COL5A2: variants seen among roughly 807,000 people sequenced by gnomAD.
The protein encoded by COL5A2 is collagen alpha-2(V) chain.
Under a neutral mutation model 208.2 loss-of-function variants are expected in COL5A2, and 23 were observed. The ratio of observed to expected loss-of-function variants is 0.11; its 90% confidence interval spans 0.08 to 0.16. The LOEUF is 0.16. Among genes scored for constraint, COL5A2 ranks in the 10% least tolerant of loss-of-function variants. The pLI, the probability that COL5A2 is intolerant of heterozygous loss-of-function variation, is 1.00. For synonymous variants in COL5A2, 625 were observed against 628.5 expected, an observed-to-expected ratio of 0.99 and a Z score of 0.08; for missense variants, 1,590 against 1,956.4, an observed-to-expected ratio of 0.81 and a Z score of 3.53.
At chr2:189,053,833 A>C (rs1308136497) in intron 37 of COL5A2, 62 bp downstream of exon 37, 1 of 1,359,272 alleles carries the variant, frequency 7.4e-7, no homozygotes, top group African/African-American at 1.4e-5. Context: ...TATAAAAACA[A>C]AATGATTAAT....
At chr2:189,305,362 G>C in the COL5A2 span, among the ~76,000 whole-genome samples, 1 of 152,206 alleles carries the variant, frequency 6.6e-6, no homozygotes, top group Non-Finnish European at 1.5e-5. Flanking sequence ...GAGGCCTTTA[G>C]CAGATGATTA....
chr2:189,152,578 T>C (rs1688166234), intron 1 of COL5A2, among the ~76,000 whole-genome samples: 1 of 152,204 alleles, frequency 6.6e-6, no homozygotes, highest in South Asian at 2.1e-4. Context: ...CAGCGATCCC[T>C]TTCTGTTATC....
chr2:189,237,452 T>A, the COL5A2 span, among the ~76,000 whole-genome samples: 1 of 151,540 alleles, frequency 6.6e-6, no homozygotes, highest in Admixed American at 6.6e-5. Context: ...TAGTCAATAT[T>A]GCTGGTAAAA....
chr2:189,155,866 C>G (rs554954016), intron 1 of COL5A2, among the ~76,000 whole-genome samples: 1 of 152,160 alleles, frequency 6.6e-6, no homozygotes, highest in East Asian at 1.9e-4. Context: ...TCTGGAAGCC[C>G]CAGAAGGAAA....
chr2:189,052,686 C>G, intron 40 of COL5A2, 63 bp downstream of exon 40: 1 of 1,458,628 alleles, frequency 6.9e-7, no homozygotes, highest in Non-Finnish European at 9.6e-7. Context: ...TTTTACATGA[C>G]CAGGAAGCAC....
chr2:189,059,455 T>C (rs1438268583), intron 31 of COL5A2, among the ~76,000 whole-genome samples: 1 of 151,938 alleles, frequency 6.6e-6, no homozygotes, highest in East Asian at 1.9e-4. Context: ...ATTTCTTTCT[T>C]TGATAAAGAT....
chr2:189,033,862 T>C lies in COL5A2; in HGVS notation c.*208A>G. ...ACCTAAACTGTTGTATTGAAAAATA[T>C]TTAAAATCAATTAAAACTTGAGGAT... On this transcript the variant is annotated 3_prime_UTR_variant, in exon 54 of 54. Transcript: ENST00000374866. The C allele has an allele frequency of 1.5e-6, 1 of 656,436 alleles. No homozygotes were observed. The highest frequency in any genetic ancestry group is 2.6e-6 in the Non-Finnish European group (1 of 385,668). The allele number at this position is 656,436 out of a possible 1,614,324, so 40.7% of individuals were successfully genotyped here.
At chr2:189,192,860 C>A (rs369122959) in intron 1 of COL5A2, among the ~76,000 whole-genome samples, 65 of 152,328 alleles carry the variant, frequency 4.3e-4, no homozygotes, top group African/African-American at 1.5e-3. Flanking sequence ...GAATTAATGT[C>A]TTTATCTCAA....
intron 41 of COL5A2, 46 bp from the exon 42 acceptor site, chr2:189,051,527 C>T (rs1685789240): frequency 1.9e-6 from 3 of 1,554,424 alleles, no homozygotes; most frequent in Non-Finnish European, 8.7e-7. Flanking sequence ...AAATGGAAGG[C>T]AAGTAAGAGT....
the COL5A2 span, among the ~76,000 whole-genome samples, chr2:189,395,343 C>T: frequency 1.3e-5 from 2 of 152,076 alleles, no homozygotes; most frequent in Admixed American, 6.6e-5. Context: ...AAATGTTCAT[C>T]AATTAGTAGT....
intron 1 of COL5A2, among the ~76,000 whole-genome samples, chr2:189,149,134 A>T (rs372017719): frequency 2.6e-5 from 4 of 152,162 alleles, no homozygotes; most frequent in African/African-American, 9.7e-5. Flanking sequence ...AATAAGACTC[A>T]TTGTACTCCA....
At chr2:189,049,317 G>T in intron 44 of COL5A2, 30 bp downstream of exon 44, 1 of 1,454,798 alleles carries the variant, frequency 6.9e-7, no homozygotes, top group Non-Finnish European at 9.6e-7. Flanking sequence ...CAGATAACAA[G>T]AGAAGAGTTA....
chr2:189,146,278 C>T (rs866355395), intron 1 of COL5A2, among the ~76,000 whole-genome samples: 1 of 151,950 alleles, frequency 6.6e-6, no homozygotes, highest in African/African-American at 2.4e-5. Flanking sequence ...AAATATGAAC[C>T]TTACTTATTC....
the COL5A2 span, among the ~76,000 whole-genome samples, chr2:189,422,448 G>A: frequency 4.0e-3 from 610 of 152,200 alleles, 6 homozygotes; most frequent in African/African-American, 0.014. Context: ...GAAAGAATTT[G>A]TAAACTCAAA....
chr2:189,194,155 A>G (rs1190576486), intron 1 of COL5A2, among the ~76,000 whole-genome samples: 1 of 152,166 alleles, frequency 6.6e-6, no homozygotes, highest in African/African-American at 2.4e-5. Flanking sequence ...GGTCCTCAAT[A>G]ATTTTAAGAG....
At chr2:189,369,682 T>A in the COL5A2 span, among the ~76,000 whole-genome samples, 2 of 152,212 alleles carry the variant, frequency 1.3e-5, no homozygotes, top group Admixed American at 1.3e-4. Context: ...ATAATGTGAC[T>A]AAATAAACTC....
At chr2:189,241,846 T>A in the COL5A2 span, among the ~76,000 whole-genome samples, 1 of 152,226 alleles carries the variant, frequency 6.6e-6, no homozygotes, top group Non-Finnish European at 1.5e-5. Flanking sequence ...CACCAAACTA[T>A]ACTCATTTGC....
chr2:189,161,637 A>C (rs1188657480), intron 1 of COL5A2, among the ~76,000 whole-genome samples: 1 of 152,256 alleles, frequency 6.6e-6, no homozygotes, highest in Admixed American at 6.5e-5. Context: ...ATTTTGAAAC[A>C]TGAAGAAAAT....
At chr2:189,070,348 A>G (rs1041362465) in intron 18 of COL5A2, among the ~76,000 whole-genome samples, 3 of 152,200 alleles carry the variant, frequency 2.0e-5, no homozygotes, top group African/African-American at 4.8e-5. Context: ...ATTGAAATGC[A>G]AAGAACTGGA....
Sources: allele counts gnomAD v4.1 joint callset (sites outside exome capture counted in the v4.1 genomes callset), GRCh38; gene constraint gnomAD v4.1.1; transcripts MANE v1.5; gene names NCBI Gene and HGNC (gene_info 2026-07-23, HGNC 2026-07-21).